NR3C2: variants seen among roughly 807,000 people sequenced by gnomAD.
NR3C2 encodes nuclear receptor subfamily 3 group C member 2.
Under a neutral mutation model 86.4 loss-of-function variants are expected in NR3C2, and 15 were observed. The observed-to-expected ratio is 0.17, with a 90% CI of 0.12 to 0.27. NR3C2 has a LOEUF of 0.27. NR3C2 is among the 10% of genes least tolerant of loss of function. The probability of loss-of-function intolerance (pLI) is 1.00; values close to 1 mark genes in which losing one functional copy is unlikely to be tolerated. For synonymous variants in NR3C2, 458 were observed against 450.5 expected (o/e 1.02, Z -0.21); for missense variants, 960 against 1,195.6 (o/e 0.80, Z 2.91).
At chr4:148,319,254 G>C (rs1339070561) in intron 2 of NR3C2, among the ~76,000 whole-genome samples, 2 of 152,142 alleles carry the variant, frequency 1.3e-5, no homozygotes, top group East Asian at 1.9e-4. Context: ...TTTGGTACTA[G>C]TACCATGCTG....
intron 2 of NR3C2, among the ~76,000 whole-genome samples, chr4:148,265,767 C>G (rs996426737): frequency 2.0e-5 from 3 of 152,154 alleles, no homozygotes; most frequent in Admixed American, 2.0e-4. Flanking sequence ...ACCATATAAA[C>G]AGCAGATCAG....
intron 4 of NR3C2, among the ~76,000 whole-genome samples, chr4:148,158,695 G>A (rs1438994450): frequency 6.6e-6 from 1 of 152,056 alleles, no homozygotes; most frequent in Non-Finnish European, 1.5e-5. Flanking sequence ...AATTCATATT[G>A]CTTTAGGCTT....
At chr4:148,401,565 G>A (rs1223772839) in intron 2 of NR3C2, among the ~76,000 whole-genome samples, 1 of 147,804 alleles carries the variant, frequency 6.8e-6, no homozygotes, top group African/African-American at 2.5e-5. Flanking sequence ...CTGGGTTCAC[G>A]CCATTCTCCT....
intron 2 of NR3C2, among the ~76,000 whole-genome samples, chr4:148,434,430 A>T (rs898812098): frequency 3.3e-5 from 5 of 152,254 alleles, no homozygotes; most frequent in African/African-American, 9.6e-5. Flanking sequence ...TAAATATACC[A>T]ATTCAAAACT....
At chr4:148,242,798 A>C (rs1053354487) in intron 3 of NR3C2, among the ~76,000 whole-genome samples, 3 of 152,190 alleles carry the variant, frequency 2.0e-5, no homozygotes, top group African/African-American at 7.2e-5. Context: ...AACAGTTTGC[A>C]TATATAAGAA....
chr4:148,433,958 A>C (rs1205952575), intron 2 of NR3C2, among the ~76,000 whole-genome samples: 1 of 152,228 alleles, frequency 6.6e-6, no homozygotes, highest in Non-Finnish European at 1.5e-5. Context: ...GTTTGCTTCC[A>C]TAAGCAAGAA....
intron 2 of NR3C2, among the ~76,000 whole-genome samples, chr4:148,268,993 G>A (rs900000813): frequency 5.3e-5 from 8 of 152,120 alleles, no homozygotes; most frequent in East Asian, 3.9e-4. Flanking sequence ...AAACATGTTC[G>A]ACAAGAGAAA....
intron 3 of NR3C2, among the ~76,000 whole-genome samples, chr4:148,232,391 G>C (rs1178406013): frequency 6.6e-6 from 1 of 152,146 alleles, no homozygotes; most frequent in Non-Finnish European, 1.5e-5. Flanking sequence ...TTGGTGACTA[G>C]GTGCGTTGTC....
At chr4:148,254,247 C>T (rs1739717215) in intron 3 of NR3C2, among the ~76,000 whole-genome samples, 1 of 152,186 alleles carries the variant, frequency 6.6e-6, no homozygotes, top group Admixed American at 6.5e-5. Flanking sequence ...TTCAGAGGTT[C>T]TGTTTTGCTT....
intron 4 of NR3C2, among the ~76,000 whole-genome samples, chr4:148,155,613 G>C (rs961319832): frequency 6.6e-6 from 1 of 151,986 alleles, no homozygotes; most frequent in Non-Finnish European, 1.5e-5. Context: ...GAAATAAGAG[G>C]ATACAAACAA....
At chr4:148,233,022 T>A (rs1232221810) in intron 3 of NR3C2, among the ~76,000 whole-genome samples, 1 of 152,224 alleles carries the variant, frequency 6.6e-6, no homozygotes. Flanking sequence ...TGGTTTGATC[T>A]TCTATCCAGA....
At chr4:148,248,613 G>C (rs907157443) in intron 3 of NR3C2, among the ~76,000 whole-genome samples, 2 of 152,188 alleles carry the variant, frequency 1.3e-5, no homozygotes, top group Non-Finnish European at 2.9e-5. Flanking sequence ...GGTCTTAAAT[G>C]CAACGGCTTT....
chr4:148,370,550 AAC>A (rs1048146657), intron 2 of NR3C2, among the ~76,000 whole-genome samples: 2 of 152,166 alleles, frequency 1.3e-5, no homozygotes, highest in Non-Finnish European at 2.9e-5. Context: ...ATATGAAAGA[AAC>A]AGACGTGTAT....
chr4:148,124,117 A>T (rs2149736891), intron 6 of NR3C2, among the ~76,000 whole-genome samples: 1 of 152,288 alleles, frequency 6.6e-6, no homozygotes, highest in South Asian at 2.1e-4. Context: ...AGGTGCCTGT[A>T]ATCCCAGCTA....
intron 2 of NR3C2, among the ~76,000 whole-genome samples, chr4:148,427,867 T>TA (rs1270239244): frequency 1.3e-5 from 2 of 152,106 alleles, no homozygotes; most frequent in Non-Finnish European, 2.9e-5. Flanking sequence ...TAATCAGGAA[T>TA]ATTCTGACCA....
In NR3C2 at chr4:148,309,610, T is replaced by C. The variant is rs1250011202; in HGVS notation, c.1758-49493A>G. On this transcript the variant is annotated intron_variant, in intron 2 of 8. Coordinates refer to ENST00000358102, the MANE Select transcript of NR3C2 (RefSeq NM_000901.5). ...TTCATATTCTCTCTTTCTATAGTTATCAACAAAACACAATTTTGCCCTTAA... is the reference window on the plus strand; with the variant it reads ...TTCATATTCTCTCTTTCTATAGTTACCAACAAAACACAATTTTGCCCTTAA... Among the ~76,000 whole-genome samples, 6 of 151,832 alleles carry C rather than the reference T, an allele frequency of 4.0e-5. No individual in the cohort carries two copies. In the East Asian group the frequency reaches 7.7e-4, roughly 20 times the overall value.
At chr4:148,362,852 T>C (rs1020459716) in intron 2 of NR3C2, among the ~76,000 whole-genome samples, 1 of 152,232 alleles carries the variant, frequency 6.6e-6, no homozygotes, top group Non-Finnish European at 1.5e-5. Context: ...CAGGGAATTG[T>C]AGGAAGAGCG....
chr4:148,209,528 C>T (rs1183880019), intron 3 of NR3C2, among the ~76,000 whole-genome samples: 1 of 152,080 alleles, frequency 6.6e-6, no homozygotes, highest in Non-Finnish European at 1.5e-5. Flanking sequence ...AAACTCCTGG[C>T]CTCAAGTGAT....
intron 2 of NR3C2, among the ~76,000 whole-genome samples, chr4:148,300,084 A>C (rs1392153650): frequency 6.6e-6 from 1 of 152,188 alleles, no homozygotes; most frequent in East Asian, 1.9e-4. Flanking sequence ...CTACAGGCCC[A>C]CTGTTGAAGC....
Sources: allele counts gnomAD v4.1 joint callset (sites outside exome capture counted in the v4.1 genomes callset), GRCh38; gene constraint gnomAD v4.1.1; transcripts MANE v1.5; gene names NCBI Gene and HGNC (gene_info 2026-07-23, HGNC 2026-07-21).